Variants in OSTN observed in about 807,000 individuals in gnomAD.
The protein encoded by OSTN is osteocrin.
A neutral mutation model predicts 12.0 loss-of-function variants in OSTN; 9 were observed. The observed-to-expected ratio is 0.75, with a 90% CI of 0.45 to 1.30. OSTN has a LOEUF of 1.30. OSTN is among the 50% of genes most tolerant of loss of function. OSTN has a pLI of 0.00. For missense variants in OSTN, 148 were observed against 152.3 expected (o/e 0.97, Z 0.15); for synonymous variants, 59 against 56.9 (o/e 1.04, Z -0.16).
At chr3:191,241,343 C>T (rs79067549) in intron 3 of OSTN, among the ~76,000 whole-genome samples, 3 of 151,686 alleles carry the variant, frequency 2.0e-5, no homozygotes, top group Admixed American at 6.6e-5. Context: ...CCAGCACGCC[C>T]GGCTAATTTT....
At chr3:191,213,767 T>G (rs181310982) in intron 2 of OSTN, among the ~76,000 whole-genome samples, 3 of 119,264 alleles carry the variant, frequency 2.5e-5, no homozygotes, top group African/African-American at 8.1e-5. Flanking sequence ...TTTCTAAAAG[T>G]TTTTTTTTTT....
intron 3 of OSTN, among the ~76,000 whole-genome samples, chr3:191,244,261 T>C (rs554688666): frequency 2.6e-5 from 4 of 152,090 alleles, no homozygotes; most frequent in East Asian, 1.9e-4. Flanking sequence ...CTGTTTCACA[T>C]AGGAAGTTTA....
At chr3:191,208,694 C>A (rs1314520639) in intron 1 of OSTN, among the ~76,000 whole-genome samples, 1 of 151,936 alleles carries the variant, frequency 6.6e-6, no homozygotes, top group African/African-American at 2.4e-5. Flanking sequence ...AGAGGAGAAA[C>A]CTGGTTAGTG....
intron 4 of OSTN, among the ~76,000 whole-genome samples, chr3:191,260,787 G>C (rs1356666883): frequency 6.6e-6 from 1 of 152,118 alleles, no homozygotes; most frequent in Admixed American, 6.5e-5. Context: ...AACTGAACAA[G>C]AGGGAACTTT....
At chr3:191,245,819 A>G (rs764655746) in intron 3 of OSTN, among the ~76,000 whole-genome samples, 13 of 152,210 alleles carry the variant, frequency 8.5e-5, no homozygotes, top group South Asian at 8.3e-4. Flanking sequence ...TAATCCCAGG[A>G]CTTTGGGAGG....
chr3:191,246,141 T>C (rs1715427045), intron 3 of OSTN, among the ~76,000 whole-genome samples: 2 of 151,724 alleles, frequency 1.3e-5, no homozygotes, highest in Admixed American at 6.6e-5. Flanking sequence ...TAAAGGGAGT[T>C]TGGGGAATCA....
intron 1 of OSTN, among the ~76,000 whole-genome samples, chr3:191,209,213 C>G (rs1018608105): frequency 6.6e-6 from 1 of 152,116 alleles, no homozygotes; most frequent in Non-Finnish European, 1.5e-5. Flanking sequence ...TTTAAAAATA[C>G]AGATATGTTC....
At chr3:191,251,664 C>A (rs1715563430) in intron 4 of OSTN, among the ~76,000 whole-genome samples, 1 of 152,148 alleles carries the variant, frequency 6.6e-6, no homozygotes, top group South Asian at 2.1e-4. Flanking sequence ...TTTAATGAAC[C>A]TCTGCAGTTA....
At chr3:191,232,907 GT>G (rs1354478943) in intron 3 of OSTN, among the ~76,000 whole-genome samples, 4 of 151,984 alleles carry the variant, frequency 2.6e-5, no homozygotes, top group Admixed American at 1.3e-4. Flanking sequence ...GAGCCACTGC[GT>G]TCGGTCATAA....
intron 3 of OSTN, among the ~76,000 whole-genome samples, chr3:191,236,747 G>T (rs1171481397): frequency 6.6e-6 from 1 of 151,992 alleles, no homozygotes; most frequent in Non-Finnish European, 1.5e-5. Context: ...CTAAGTCCTG[G>T]ATCTCTTCCA....
intron 3 of OSTN, among the ~76,000 whole-genome samples, chr3:191,236,058 C>T (rs1715181209): frequency 6.6e-6 from 1 of 152,226 alleles, no homozygotes; most frequent in Non-Finnish European, 1.5e-5. Context: ...GAAATTCTCC[C>T]TTCCTGAGCT....
chr3:191,254,640 T>G lies in OSTN; in HGVS notation c.*12+4507T>G, dbSNP rs539905940. Among the ~76,000 whole-genome samples the G allele has an allele frequency of 1.2e-4, 18 of 152,356 alleles. 1 individual carries two copies. The highest frequency in any genetic ancestry group is 2.5e-4 in the Non-Finnish European group (17 of 68,032). ...ATCTAACAACAGGTGTCTGTATAGTTTTCTTTTGAAAGATAATTTTTCTCT... is the reference window on the plus strand; with the variant it reads ...ATCTAACAACAGGTGTCTGTATAGTGTTCTTTTGAAAGATAATTTTTCTCT... On this transcript the variant is annotated intron_variant, in intron 4 of 4. Coordinates refer to ENST00000682035, the MANE Select transcript of OSTN (RefSeq NM_198184.2).
chr3:191,242,929 A>T (rs1260622151), intron 3 of OSTN, among the ~76,000 whole-genome samples: 1 of 152,092 alleles, frequency 6.6e-6, no homozygotes, highest in Non-Finnish European at 1.5e-5. Flanking sequence ...TCTAATATTC[A>T]GAGTATTCAA....
At chr3:191,214,989 G>A (rs1365438617) in intron 2 of OSTN, among the ~76,000 whole-genome samples, 3 of 152,254 alleles carry the variant, frequency 2.0e-5, no homozygotes, top group African/African-American at 4.8e-5. Flanking sequence ...TCTAGTCTGG[G>A]CAACAGAGTG....
chr3:191,242,846 T>G (rs955753740), intron 3 of OSTN, among the ~76,000 whole-genome samples: 2 of 152,120 alleles, frequency 1.3e-5, no homozygotes, highest in East Asian at 3.8e-4. Context: ...ACATCAAAGA[T>G]TTTTTAAAAA....
chr3:191,236,278 C>G (rs976107900), intron 3 of OSTN, among the ~76,000 whole-genome samples: 1 of 152,146 alleles, frequency 6.6e-6, no homozygotes, highest in Non-Finnish European at 1.5e-5. Flanking sequence ...TTTTAATATT[C>G]TGGTACATTC....
Position 191,263,958 on chromosome 3 carries a change from A to G in OSTN, c.*1105A>G. 6.7e-6 allele frequency: 1 copy of G among 150,368 alleles called. No homozygotes were observed. The highest frequency in any genetic ancestry group is 1.5e-5 in the Non-Finnish European group (1 of 67,256). The allele number at this position is 150,368 out of a possible 1,614,324, so 9.3% of individuals were successfully genotyped here. ...TATACTTTGAAAACACACAAAAAAAACTTTCTATGGAACAGAGATTCATCA... is the reference window on the plus strand; with the variant it reads ...TATACTTTGAAAACACACAAAAAAAGCTTTCTATGGAACAGAGATTCATCA... On this transcript the variant is annotated 3_prime_UTR_variant, in exon 5 of 5. Coordinates refer to ENST00000682035, the MANE Select transcript of OSTN (RefSeq NM_198184.2).
chr3:191,225,304 A>G (rs1238488340), intron 3 of OSTN, among the ~76,000 whole-genome samples: 2 of 152,184 alleles, frequency 1.3e-5, no homozygotes, highest in South Asian at 2.1e-4. Flanking sequence ...AAGTTTATTT[A>G]TTATTAATTT....
At chr3:191,201,893 T>C (rs565987389) in intron 1 of OSTN, among the ~76,000 whole-genome samples, 5 of 152,314 alleles carry the variant, frequency 3.3e-5, no homozygotes, top group South Asian at 2.1e-4. Context: ...ATTTATTGAG[T>C]AACTAATTTA....
Sources: gnomAD v4.1 joint callset for allele counts (sites outside exome capture counted in the v4.1 genomes callset) on GRCh38, gnomAD v4.1.1 for gene constraint, MANE v1.5 for transcripts, NCBI Gene and HGNC (gene_info 2026-07-23, HGNC 2026-07-21) for gene names.